The following PARD3B variants were observed in gnomAD, a reference collection of about 807,000 sequenced individuals.
PARD3B encodes the protein partitioning defective 3 homolog B.
Under a neutral mutation model 130.2 loss-of-function variants are expected in PARD3B, and 103 were observed. The observed-to-expected ratio is 0.79, with a 90% confidence interval of 0.67 to 0.93. The LOEUF (loss-of-function observed/expected upper bound fraction) is 0.93. Among genes scored for constraint, PARD3B ranks in the 40% least tolerant of loss-of-function variants. PARD3B has a pLI of 0.00. For missense variants in PARD3B, 1,609 were observed against 1,499.2 expected, an observed-to-expected ratio of 1.07 and a Z score of -1.21; for synonymous variants, 583 against 553.2, an observed-to-expected ratio of 1.05 and a Z score of -0.76.
intron 1 of PARD3B, among the ~76,000 whole-genome samples, chr2:204,615,585 G>C (rs1320716170): frequency 6.6e-6 from 1 of 152,112 alleles, no homozygotes; most frequent in Non-Finnish European, 1.5e-5. Flanking sequence ...CCCAACTTCT[G>C]CTTGAAAGTT....
chr2:204,741,632 C>G (rs2040014548), intron 2 of PARD3B, among the ~76,000 whole-genome samples: 1 of 152,118 alleles, frequency 6.6e-6, no homozygotes, highest in African/African-American at 2.4e-5. Flanking sequence ...CTTGAAAAGT[C>G]CTGGCTTCAC....
At chr2:205,056,583 A>C (rs1200117253) in intron 4 of PARD3B, among the ~76,000 whole-genome samples, 1 of 149,834 alleles carries the variant, frequency 6.7e-6, no homozygotes, top group Non-Finnish European at 1.5e-5. Context: ...ACAGACTAAA[A>C]CCATTAAAAA....
intron 15 of PARD3B, among the ~76,000 whole-genome samples, chr2:205,235,978 T>C (rs2039045846): frequency 6.6e-6 from 1 of 152,152 alleles, no homozygotes; most frequent in Non-Finnish European, 1.5e-5. Context: ...ATTAGTATAA[T>C]ATAAAACAAG....
intron 10 of PARD3B, among the ~76,000 whole-genome samples, chr2:205,153,846 T>G (rs899458443): frequency 1.2e-4 from 18 of 152,174 alleles, no homozygotes; most frequent in Admixed American, 1.0e-3. Context: ...TAGCCATATG[T>G]AGAAAGCTGA....
intron 2 of PARD3B, among the ~76,000 whole-genome samples, chr2:204,706,223 C>T (rs964540893): frequency 5.3e-5 from 8 of 151,752 alleles, no homozygotes; most frequent in South Asian, 2.1e-4. Context: ...AAAAATTAGC[C>T]GGGCATGGTG....
chr2:204,828,545 T>C (rs2043680837), intron 2 of PARD3B, among the ~76,000 whole-genome samples: 1 of 152,242 alleles, frequency 6.6e-6, no homozygotes, highest in African/African-American at 2.4e-5. Context: ...CTTACGTCTC[T>C]GCTGATTAGT....
At chr2:205,382,176 T>C (rs1162019176) in intron 18 of PARD3B, among the ~76,000 whole-genome samples, 2 of 152,076 alleles carry the variant, frequency 1.3e-5, no homozygotes, top group East Asian at 3.9e-4. Context: ...GGATACAACA[T>C]TGCATTATTT....
rs552132109 is a variant in PARD3B at position 205,084,787 on chromosome 2, T to C, written c.505-19639T>C. Among the ~76,000 whole-genome samples, 4 of 152,086 alleles carry C rather than the reference T, an allele frequency of 2.6e-5. No individual in the cohort carries two copies. The East Asian group carries it at 7.7e-4, about 29-fold the overall frequency. ...AGATGTAAGATGTGTATTTATGGGC[T>C]CTTTAGTGTCTATTCAGGTTGTTTT... On this transcript the variant is annotated intron_variant, in intron 4 of 22. Coordinates refer to ENST00000406610, the MANE Select transcript of PARD3B (RefSeq NM_001302769.2).
chr2:205,010,006 G>C (rs1232137855), intron 3 of PARD3B, among the ~76,000 whole-genome samples: 3 of 152,012 alleles, frequency 2.0e-5, no homozygotes, highest in Admixed American at 1.3e-4. Flanking sequence ...ATTTTATAGA[G>C]AAACAGAAAA....
intron 13 of PARD3B, among the ~76,000 whole-genome samples, chr2:205,178,078 G>A (rs2035570811): frequency 7.2e-6 from 1 of 139,100 alleles, no homozygotes; most frequent in Non-Finnish European, 1.5e-5. Context: ...GGCCGAGGCA[G>A]GCAGATCACC....
At chr2:205,110,133 C>T (rs1407197257) in intron 5 of PARD3B, among the ~76,000 whole-genome samples, 1 of 152,156 alleles carries the variant, frequency 6.6e-6, no homozygotes, top group East Asian at 1.9e-4. Flanking sequence ...GGCTCCCCAT[C>T]CTCAATTTCA....
chr2:204,877,184 A>C (rs1246138655), intron 2 of PARD3B, among the ~76,000 whole-genome samples: 2 of 152,130 alleles, frequency 1.3e-5, no homozygotes, highest in East Asian at 3.9e-4. Flanking sequence ...ATAGGTGGGA[A>C]CTGAACAATG....
intron 1 of PARD3B, among the ~76,000 whole-genome samples, chr2:204,548,158 A>C (rs531851908): frequency 1.1e-4 from 17 of 152,342 alleles, no homozygotes; most frequent in African/African-American, 3.6e-4. Flanking sequence ...AATCGTATTC[A>C]TAATGGCACT....
chr2:204,604,997 C>T (rs902314578), intron 1 of PARD3B, among the ~76,000 whole-genome samples: 11 of 151,984 alleles, frequency 7.2e-5, no homozygotes, highest in Admixed American at 2.0e-4. Flanking sequence ...CAGCTGGGAC[C>T]CTCTTTGTGT....
At chr2:204,863,930 A>G (rs185123847) in intron 2 of PARD3B, among the ~76,000 whole-genome samples, 40 of 152,326 alleles carry the variant, frequency 2.6e-4, no homozygotes, top group Non-Finnish European at 5.9e-5. Flanking sequence ...CAAGGGCTTT[A>G]TGATTGCAAA....
At chr2:205,609,327 A>G (rs1224045955) in intron 22 of PARD3B, among the ~76,000 whole-genome samples, 1 of 152,172 alleles carries the variant, frequency 6.6e-6, no homozygotes, top group Non-Finnish European at 1.5e-5. Context: ...TTGTAGAAGA[A>G]CCAGAGAAGA....
intron 20 of PARD3B, among the ~76,000 whole-genome samples, chr2:205,490,033 T>G (rs1575148938): frequency 1.3e-5 from 2 of 152,274 alleles, no homozygotes; most frequent in East Asian, 3.9e-4. Context: ...TTACTTTCAG[T>G]GGTAAATGGT....
intron 2 of PARD3B, among the ~76,000 whole-genome samples, chr2:204,792,909 T>C (rs897203320): frequency 3.9e-5 from 6 of 152,174 alleles, no homozygotes; most frequent in Non-Finnish European, 8.8e-5. Flanking sequence ...CTATTTTTTT[T>C]TTTTTATAGA....
At chr2:204,694,884 G>T (rs77939934) in intron 2 of PARD3B, among the ~76,000 whole-genome samples, 7,009 of 152,056 alleles carry the variant, frequency 0.046, 230 homozygotes, top group South Asian at 0.1. Context: ...TTGTTTGCTT[G>T]TTGTGTACAA....
Sources: gnomAD v4.1 joint callset for allele counts (sites outside exome capture counted in the v4.1 genomes callset) on GRCh38, gnomAD v4.1.1 for gene constraint, MANE v1.5 for transcripts, NCBI Gene and HGNC (gene_info 2026-07-23, HGNC 2026-07-21) for gene names.